Variants in SSB observed in about 807,000 individuals in gnomAD.
The protein encoded by SSB is small RNA binding exonuclease protection factor La, also known as lupus La protein.
In SSB, 17 loss-of-function variants were observed where a neutral mutation model predicts 52.9. That is an observed-to-expected ratio of 0.32 (90% CI 0.22 to 0.48). The LOEUF (loss-of-function observed/expected upper bound fraction) is 0.48, where lower values mean the gene tolerates loss of function less well. SSB is among the 20% of genes least tolerant of loss of function. The pLI is 0.99. For missense variants in SSB, 314 were observed against 463.6 expected (o/e 0.68, Z 2.96); for synonymous variants, 111 against 152.1 (o/e 0.73, Z 1.99).
At chr2:169,806,530 A>G (rs933198794) in intron 4 of SSB, 1 of 325,356 alleles carries the variant, frequency 3.1e-6, no homozygotes, top group Non-Finnish European at 5.6e-6. Flanking sequence ...AGTAGTTAAT[A>G]ACAGAACATG....
At chr2:169,805,896 G>A (rs992294449) in intron 4 of SSB, 57 bp downstream of exon 4, 9 of 1,478,640 alleles carry the variant, frequency 6.1e-6, no homozygotes, top group Non-Finnish European at 7.5e-6. Flanking sequence ...AGTAAAGTAC[G>A]GAAGAATAAG....
intron 2 of SSB, 94 bp downstream of exon 2, chr2:169,801,120 T>A (rs981842432): frequency 1.1e-5 from 11 of 1,038,958 alleles, no homozygotes; most frequent in Non-Finnish European, 1.5e-5. Context: ...TATTCAACAT[T>A]TGGTTTGCCT....
Position 169,810,417 on chromosome 2 carries a change from A to T in SSB, c.804A>T (p.Ala268=), listed in dbSNP as rs757170787. ...EIKWIDFVRG[A]KEGIILFKEK... The stretch of plus-strand genomic sequence containing the variant: ...AATGGATAGACTTCGTCAGAGGAGC[A>T]AAAGAGGTTTGGATACATCCCTATC... The change falls in exon 9 of 12, where the codon GCA becomes GCT. Residue 268 remains alanine (A), a synonymous_variant. Transcript: ENST00000260956. The T allele has an allele frequency of 1.2e-6, 2 of 1,607,590 alleles. No homozygotes were observed. Among genetic ancestry groups the T allele is most frequent in the Admixed American group, 1.7e-5 (1 of 58,834 alleles).
chr2:169,811,517 T>G, intron 11 of SSB, 151 bp from the exon 12 acceptor site: 6 of 1,265,792 alleles, frequency 4.7e-6, no homozygotes, highest in Non-Finnish European at 6.4e-6. Flanking sequence ...AATCTAGAGG[T>G]CAGGTCTGTA....
intron 6 of SSB, among the ~76,000 whole-genome samples, chr2:169,807,430 A>G (rs1353588364): frequency 1.3e-5 from 2 of 152,082 alleles, no homozygotes; most frequent in Admixed American, 1.3e-4. Flanking sequence ...CTGGGACTAC[A>G]GGCGCGTGCC....
At chr2:169,799,456 C>G (rs1041781638) in intron 1 of SSB, 2 of 152,086 alleles carry the variant, frequency 1.3e-5, no homozygotes, top group Non-Finnish European at 2.9e-5. Context: ...ACCAGCGTCA[C>G]TCTTTTGGTC....
intron 2 of SSB, 24 bp downstream of exon 2, chr2:169,801,050 G>T (rs1246699333): frequency 6.5e-7 from 1 of 1,536,284 alleles, no homozygotes; most frequent in South Asian, 1.3e-5. Flanking sequence ...GCTATAAACT[G>T]CAAAAACAAG....
At chr2:169,807,174 G>T in intron 6 of SSB, 103 bp downstream of exon 6, 1 of 851,798 alleles carries the variant, frequency 1.2e-6, no homozygotes, top group East Asian at 2.4e-5. Flanking sequence ...AATATTCTTA[G>T]TATCTTTAGA....
In SSB at chr2:169,811,709, C is replaced by G; in HGVS notation, c.1180C>G (p.Pro394Ala). The G allele has an allele frequency of 1.9e-6, 3 of 1,613,242 alleles. No homozygotes were observed. Among genetic ancestry groups the G allele is most frequent in the Non-Finnish European group, 2.5e-6 (3 of 1,179,536 alleles). Residue 394 changes from proline to alanine, a missense_variant, in exon 12 of 12, where the codon CCT (proline) becomes GCT (alanine). Coordinates refer to ENST00000260956, the MANE Select transcript of SSB (RefSeq NM_003142.5). ...AAGAGAAGAAACAGACAAAGAAGAA[C>G]CTGCATCCAAACAACAGAAAACAGA... is the stretch of plus-strand genomic sequence containing the variant. ...RAREETDKEE[P>A]ASKQQKTENG...
chr2:169,801,085 A>T, intron 2 of SSB, 59 bp downstream of exon 2: 7 of 1,391,718 alleles, frequency 5.0e-6, no homozygotes, highest in Non-Finnish European at 5.9e-6. Flanking sequence ...ATACAGAAAG[A>T]ACATTTAATT....
intron 2 of SSB, among the ~76,000 whole-genome samples, chr2:169,802,528 G>T (rs1201657919): frequency 6.6e-6 from 1 of 151,014 alleles, no homozygotes; most frequent in African/African-American, 2.4e-5. Flanking sequence ...TATTCATTCT[G>T]TGTTTAATAC....
At chr2:169,801,559 C>T (rs560065072) in intron 2 of SSB, among the ~76,000 whole-genome samples, 152 of 138,388 alleles carry the variant, frequency 1.1e-3, no homozygotes, top group African/African-American at 4.1e-3. Context: ...CTGTTGGCCA[C>T]GCTGGAGTGC....
intron 9 of SSB, 193 bp from the exon 10 acceptor site, chr2:169,810,665 C>A (rs1328300312): frequency 1.5e-6 from 1 of 663,148 alleles, no homozygotes; most frequent in East Asian, 2.8e-5. Context: ...CTGAATTATA[C>A]TATGAATAAC....
intron 2 of SSB, among the ~76,000 whole-genome samples, chr2:169,804,786 T>C (rs545748712): frequency 2.6e-5 from 4 of 151,612 alleles, no homozygotes; most frequent in South Asian, 4.2e-4. Flanking sequence ...CCTCCCAAAG[T>C]GCAGGGATTA....
intron 2 of SSB, among the ~76,000 whole-genome samples, chr2:169,804,547 C>G (rs1273160953): frequency 6.6e-6 from 1 of 151,680 alleles, no homozygotes. Flanking sequence ...CCACTCCTGG[C>G]CCCCCACCCC....
At chr2:169,800,534 C>CAAAAAAAAAAAAAAAA (rs59743225) in intron 1 of SSB, among the ~76,000 whole-genome samples, 11 of 78,270 alleles carry the variant, frequency 1.4e-4, no homozygotes, top group African/African-American at 5.1e-4. Context: ...GACTCCGTCT[C>CAAAAAAAAAAAAAAAA]AAAAAAAAAA....
intron 6 of SSB, 69 bp downstream of exon 6, chr2:169,807,140 G>A (rs1689846697): frequency 7.7e-7 from 1 of 1,292,786 alleles, no homozygotes; most frequent in African/African-American, 1.5e-5. Flanking sequence ...TAAGGAGCAT[G>A]GAAGTAGTAT....
chr2:169,802,649 G>C (rs146389035), intron 2 of SSB, among the ~76,000 whole-genome samples: 2 of 152,238 alleles, frequency 1.3e-5, no homozygotes, highest in Middle Eastern at 3.4e-3. Context: ...TTGACACTTT[G>C]CTTCATGCTC....
At chr2:169,808,161 TA>T (rs1292426624) in intron 6 of SSB, among the ~76,000 whole-genome samples, 16 of 152,264 alleles carry the variant, frequency 1.1e-4, no homozygotes, top group Middle Eastern at 3.4e-3. Context: ...TGCTAATGGA[TA>T]GGGGGTTTCT....
Sources: allele counts gnomAD v4.1 joint callset (sites outside exome capture counted in the v4.1 genomes callset), GRCh38; gene constraint gnomAD v4.1.1; transcripts MANE v1.5; gene names NCBI Gene and HGNC (gene_info 2026-07-23, HGNC 2026-07-21).